Variants in PPFIA1 observed in about 807,000 individuals in gnomAD.
The protein encoded by PPFIA1 is PPFI scaffold protein A1.
In PPFIA1, 25 loss-of-function variants were observed where a neutral mutation model predicts 149.9. That is an observed-to-expected ratio of 0.17 (90% CI 0.12 to 0.23). PPFIA1 has a LOEUF of 0.23. Among genes scored for constraint, PPFIA1 ranks in the 10% least tolerant of loss-of-function variants. The pLI is 1.00. For synonymous variants in PPFIA1, 549 were observed against 552.8 expected (o/e 0.99, Z 0.10); for missense variants, 1,362 against 1,506.5 (o/e 0.90, Z 1.59).
intron 21 of PPFIA1, chr11:70,371,392 T>TGG (rs2057236080): frequency 1.8e-5 from 1 of 54,556 alleles, no homozygotes. Context: ...ATTCTGTTGT[T>TGG]TGGTGGATTG....
intron 2 of PPFIA1, among the ~76,000 whole-genome samples, chr11:70,291,874 G>A (rs2051549062): frequency 7.8e-6 from 1 of 127,802 alleles, no homozygotes; most frequent in South Asian, 2.4e-4. Context: ...GTCTTGCTCT[G>A]TCGCCCAGGC....
At chr11:70,286,947 CATATACT>C (rs958178158) in intron 2 of PPFIA1, among the ~76,000 whole-genome samples, 12 of 142,726 alleles carry the variant, frequency 8.4e-5, no homozygotes, top group African/African-American at 3.6e-4. Flanking sequence ...TATATATACA[CATATACT>C]ATATATATAC....
At chr11:70,330,047 T>C (rs1420140515) in intron 7 of PPFIA1, 126 bp from the exon 8 acceptor site, 3 of 863,622 alleles carry the variant, frequency 3.5e-6, no homozygotes, top group Non-Finnish European at 3.5e-6. Context: ...GTATCTGGCC[T>C]GAGGATGCTA....
rs568113048 is a variant in PPFIA1 at position 70,330,242 on chromosome 11, C to A, written c.1000C>A (p.Arg334Ser). 1 of 1,599,988 alleles carries A rather than the reference C, an allele frequency of 6.3e-7. No individual in the cohort carries two copies. The highest frequency in any genetic ancestry group is 1.1e-5 in the South Asian group (1 of 88,938). Residue 334 changes from arginine to serine, a missense_variant, in exon 8 of 28, where the codon CGT becomes AGT. This residue lies in a region of PPFIA1 where 733 missense variants were observed against 744.1 expected (regional missense o/e 0.99). Transcript: ENST00000253925. Reference protein sequence around the residue: ...TLEKRYLAAQREATSVHDLND... With the variant: ...TLEKRYLAAQSEATSVHDLND... ...TGAAAAACGCTACCTCGCTGCACAG[C>A]GTGAAGCCACATCTGTGCATGACCT...
rs554761733 is a variant in PPFIA1, at chr11:70,301,241, G to A, written c.265-23161G>A. On this transcript the variant is annotated intron_variant, in intron 2 of 27. Coordinates refer to ENST00000253925, the MANE Select transcript of PPFIA1 (RefSeq NM_003626.5). ...CTAACATAAAGTATCTACCATGCTAGCCTGCACAAAGTAGACATTCATTTG... is the reference window on the plus strand; with the variant it reads ...CTAACATAAAGTATCTACCATGCTAACCTGCACAAAGTAGACATTCATTTG... Among the ~76,000 whole-genome samples, 3 of 152,272 alleles carry A rather than the reference G, an allele frequency of 2.0e-5. No homozygotes were observed. In the East Asian group the frequency reaches 5.8e-4, roughly 29 times the overall value.
chr11:70,308,944 TA>T (rs2053071389), intron 2 of PPFIA1, among the ~76,000 whole-genome samples: 1 of 152,110 alleles, frequency 6.6e-6, no homozygotes, highest in Non-Finnish European at 1.5e-5. Flanking sequence ...AATGTAAGAA[TA>T]AAAAGGTGAT....
intron 19 of PPFIA1, among the ~76,000 whole-genome samples, chr11:70,361,164 A>G (rs2056622662): frequency 6.6e-6 from 1 of 152,202 alleles, no homozygotes; most frequent in Non-Finnish European, 1.5e-5. Flanking sequence ...CTAGTGTGAA[A>G]TGGATGGTGT....
At chr11:70,347,742 G>A (rs547971068) in intron 15 of PPFIA1, among the ~76,000 whole-genome samples, 19 of 152,150 alleles carry the variant, frequency 1.2e-4, no homozygotes, top group African/African-American at 4.1e-4. Flanking sequence ...TGTGGCTCGC[G>A]CCTGTAATCC....
chr11:70,296,703 G>C lies in PPFIA1; in HGVS notation c.264+24267G>C, dbSNP rs553319573. Among the ~76,000 whole-genome samples the C allele has an allele frequency of 3.2e-3, 466 of 146,202 alleles. 1 individual carries two copies. The highest frequency in any genetic ancestry group is 6.0e-3 in the Non-Finnish European group (400 of 66,470). On this transcript the variant is annotated intron_variant, in intron 2 of 27. Coordinates refer to ENST00000253925, the MANE Select transcript of PPFIA1 (RefSeq NM_003626.5). ...GAGGGAGAGGGAGACCGTGGGGAGC[G>C]GGAGACCATGGGGAGAGGGAGAGGA... is the stretch of plus-strand genomic sequence containing the variant.
intron 26 of PPFIA1, among the ~76,000 whole-genome samples, chr11:70,380,485 G>A (rs1416400662): frequency 6.6e-5 from 10 of 152,156 alleles, no homozygotes; most frequent in Admixed American, 1.3e-4. Flanking sequence ...GCTGGGGCAG[G>A]AGAATGGCAT....
intron 2 of PPFIA1, among the ~76,000 whole-genome samples, chr11:70,286,108 A>T (rs1377622260): frequency 6.6e-6 from 1 of 152,152 alleles, no homozygotes; most frequent in African/African-American, 2.4e-5. Flanking sequence ...TGTGCCTCGC[A>T]GGTGCCTTAC....
Position 70,280,621 on chromosome 11 carries a change from T to G in PPFIA1, c.264+8185T>G, listed in dbSNP as rs187604576. Among the ~76,000 whole-genome samples the G allele has an allele frequency of 5.4e-3, 829 of 152,246 alleles. 7 individuals carry two copies. Among genetic ancestry groups the G allele is most frequent in the Non-Finnish European group, 8.1e-3 (554 of 68,014 alleles). On this transcript the variant is annotated intron_variant, in intron 2 of 27. Coordinates refer to ENST00000253925, the MANE Select transcript of PPFIA1 (RefSeq NM_003626.5). ...TGTTGTTGCCGAGGCTGCAGTGCAG[T>G]GGCGCGCGTGATCACTGTTCACTGC... is the stretch of plus-strand genomic sequence containing the variant.
At chr11:70,339,398 G>C in intron 14 of PPFIA1, 92 bp downstream of exon 14, 1 of 1,428,040 alleles carries the variant, frequency 7.0e-7, no homozygotes, top group South Asian at 1.4e-5. Context: ...AATGTTGATA[G>C]GTCATTGCTT....
At chr11:70,316,901 T>C (rs2053664802) in intron 2 of PPFIA1, among the ~76,000 whole-genome samples, 1 of 152,244 alleles carries the variant, frequency 6.6e-6, no homozygotes, top group African/African-American at 2.4e-5. Flanking sequence ...TCAGAAGTGA[T>C]AAACATCAGC....
chr11:70,350,821 T>C (rs972982091), intron 16 of PPFIA1, among the ~76,000 whole-genome samples: 2 of 152,198 alleles, frequency 1.3e-5, no homozygotes, highest in Non-Finnish European at 2.9e-5. Context: ...TAATAACTTA[T>C]ATTTAAATTT....
chr11:70,305,177 G>A (rs2052765864), intron 2 of PPFIA1, among the ~76,000 whole-genome samples: 1 of 152,132 alleles, frequency 6.6e-6, no homozygotes, highest in African/African-American at 2.4e-5. Flanking sequence ...GTCAATTGAT[G>A]CCCAAATGGC....
intron 26 of PPFIA1, among the ~76,000 whole-genome samples, chr11:70,381,689 T>C (rs1348693322): frequency 6.6e-6 from 1 of 152,184 alleles, no homozygotes; most frequent in Non-Finnish European, 1.5e-5. Flanking sequence ...CCGCTTGGTG[T>C]TTCCTTCATA....
chr11:70,323,718 A>G (rs1029204667), intron 2 of PPFIA1, among the ~76,000 whole-genome samples: 1 of 152,234 alleles, frequency 6.6e-6, no homozygotes, highest in African/African-American at 2.4e-5. Flanking sequence ...TACAATGTTC[A>G]CCTGTTTTCC....
At chr11:70,356,353 T>C in intron 19 of PPFIA1, 99 bp downstream of exon 19, 1 of 840,248 alleles carries the variant, frequency 1.2e-6, no homozygotes, top group Middle Eastern at 3.1e-4. Context: ...TATGTATATA[T>C]ACATTATATT....
Sources: allele counts gnomAD v4.1 joint callset (sites outside exome capture counted in the v4.1 genomes callset), GRCh38; gene constraint gnomAD v4.1.1; regional missense constraint gnomAD v4.1.1; transcripts MANE v1.5; gene names NCBI Gene and HGNC (gene_info 2026-07-23, HGNC 2026-07-21).